Variants in RAB3IL1 observed in about 807,000 individuals in gnomAD.
RAB3IL1 encodes guanine nucleotide exchange factor for Rab-3A.
Under a neutral mutation model 49.2 loss-of-function variants are expected in RAB3IL1, and 37 were observed. The ratio of observed to expected loss-of-function variants is 0.75; its 90% CI spans 0.58 to 0.99. The LOEUF (loss-of-function observed/expected upper bound fraction) is 0.99. RAB3IL1 is among the 50% of genes least tolerant of loss of function. RAB3IL1 has a pLI of 0.00. For missense variants in RAB3IL1, 484 were observed against 513.0 expected (o/e 0.94, Z 0.55); for synonymous variants, 193 against 213.9 (o/e 0.90, Z 0.85).
chr11:61,913,793 C>T (rs758999118), intron 1 of RAB3IL1, among the ~76,000 whole-genome samples: 38 of 152,206 alleles, frequency 2.5e-4, no homozygotes, highest in Non-Finnish European at 4.9e-4. Context: ...CCAGGCAGCC[C>T]CCTTCTTACC....
chr11:61,937,164 A>G, the RAB3IL1 span, among the ~76,000 whole-genome samples: 2 of 152,244 alleles, frequency 1.3e-5, no homozygotes, highest in African/African-American at 2.4e-5. Flanking sequence ...ATGGGCATGT[A>G]AGGCATAAAA....
At chr11:61,942,679 C>A in the RAB3IL1 span, among the ~76,000 whole-genome samples, 1 of 151,986 alleles carries the variant, frequency 6.6e-6, no homozygotes, top group Non-Finnish European at 1.5e-5. Context: ...GATTAATATA[C>A]AAAAATCAGC....
At chr11:61,920,273 G>A, upstream of RAB3IL1, 3 of 1,234,204 alleles carry the variant, frequency 2.4e-6, no homozygotes, top group Admixed American at 4.2e-5. Context: ...CCACCAGGCT[G>A]AGCCTCACAC....
the RAB3IL1 span, among the ~76,000 whole-genome samples, chr11:61,929,453 G>A: frequency 2.9e-5 from 2 of 69,492 alleles, no homozygotes; most frequent in Non-Finnish European, 1.3e-4. Context: ...GCAGTGAGCT[G>A]CCGAGATCGC....
Position 61,900,402 on chromosome 11 carries a change from G to A in RAB3IL1, c.1000-1022C>T, listed in dbSNP as rs531890511. 9.2e-5 allele frequency among the ~76,000 whole-genome samples: 14 copies of A among 152,362 alleles called. No individual in the cohort carries two copies. In the East Asian group the frequency reaches 2.7e-3, roughly 29 times the overall value. On this transcript the variant is annotated intron_variant, in intron 8 of 9. Transcript: ENST00000394836. ...TGGGGAGGGACATCAAGTGAGAGGG[G>A]CACCCGCAGGCTGGGGAGTGGAGAA...
chr11:61,922,296 G>A (rs749636053), upstream of RAB3IL1, among the ~76,000 whole-genome samples: 7 of 152,118 alleles, frequency 4.6e-5, no homozygotes, highest in Non-Finnish European at 1.0e-4. Context: ...CGAGGCGAGT[G>A]GATCATCTCT....
chr11:61,926,920 G>A, the RAB3IL1 span, among the ~76,000 whole-genome samples: 1 of 149,696 alleles, frequency 6.7e-6, no homozygotes, highest in Non-Finnish European at 1.5e-5. Flanking sequence ...CCACAATCTT[G>A]GCTCACTGCA....
chr11:61,944,117 A>G, the RAB3IL1 span, among the ~76,000 whole-genome samples: 1 of 151,830 alleles, frequency 6.6e-6, no homozygotes, highest in African/African-American at 2.4e-5. Flanking sequence ...ACTTTTGTGC[A>G]TCAAGGAACC....
At chr11:61,907,809 CT>C in intron 2 of RAB3IL1, 149 bp from the exon 3 acceptor site, 3 of 918,478 alleles carry the variant, frequency 3.3e-6, no homozygotes, top group Non-Finnish European at 4.9e-6. Flanking sequence ...GTTTGTGATG[CT>C]TTTTCCGTTT....
At chr11:61,937,519 G>T in the RAB3IL1 span, among the ~76,000 whole-genome samples, 2 of 151,970 alleles carry the variant, frequency 1.3e-5, no homozygotes, top group Non-Finnish European at 2.9e-5. Flanking sequence ...TATTACCCAG[G>T]CTGGTCTCAA....
At chr11:61,927,032 C>T in the RAB3IL1 span, among the ~76,000 whole-genome samples, 1 of 151,882 alleles carries the variant, frequency 6.6e-6, no homozygotes, top group South Asian at 2.1e-4. Context: ...TTAGTAGAGA[C>T]GGGGTTTCAG....
upstream of RAB3IL1, chr11:61,920,405 C>A: frequency 1.9e-6 from 1 of 540,042 alleles, no homozygotes; most frequent in Non-Finnish European, 2.8e-6. Context: ...GCAGAAGACA[C>A]TGGGCCCTCC....
rs747531752 is a variant in RAB3IL1 at position 61,898,269 on chromosome 11, G to C, written c.*9C>G. On this transcript the variant is annotated 3_prime_UTR_variant, in exon 10 of 10. Transcript: ENST00000394836. The surrounding 1 kb of genome is among the most constrained non-coding windows in gnomAD (Gnocchi z 5.1). ...GTCTCAGAGCTCCCCTTCAGGCCTGGGCCGCGCCCTAAGCCTCCTGGGGGA... is the reference window on the plus strand; with the variant it reads ...GTCTCAGAGCTCCCCTTCAGGCCTGCGCCGCGCCCTAAGCCTCCTGGGGGA... 1.9e-5 allele frequency: 31 copies of C among 1,611,800 alleles called. No homozygotes were observed. Among genetic ancestry groups the C allele is most frequent in the Non-Finnish European group, 2.5e-5 (30 of 1,179,730 alleles).
the RAB3IL1 span, among the ~76,000 whole-genome samples, chr11:61,941,751 CA>C: frequency 5.3e-5 from 8 of 151,048 alleles, no homozygotes; most frequent in South Asian, 1.5e-3. Flanking sequence ...GACTCTGTCT[CA>C]AAAAAAAGAA....
upstream of RAB3IL1, among the ~76,000 whole-genome samples, chr11:61,918,179 G>A (rs1197115248): frequency 6.6e-6 from 1 of 150,458 alleles, no homozygotes; most frequent in Non-Finnish European, 1.5e-5. Flanking sequence ...ACACCTGTCT[G>A]GTCCCACATC....
At chr11:61,921,990 C>G (rs190854298), upstream of RAB3IL1, among the ~76,000 whole-genome samples, 21 of 150,064 alleles carry the variant, frequency 1.4e-4, no homozygotes, top group East Asian at 3.2e-3. Flanking sequence ...GGAGACCACC[C>G]TAGGCAACAA....
the RAB3IL1 span, among the ~76,000 whole-genome samples, chr11:61,943,396 C>T: frequency 2.6e-5 from 4 of 152,174 alleles, no homozygotes; most frequent in African/African-American, 7.2e-5. Flanking sequence ...TAGAAGAAAA[C>T]GTACGGGTAA....
At chr11:61,941,534 C>T in the RAB3IL1 span, among the ~76,000 whole-genome samples, 3 of 152,122 alleles carry the variant, frequency 2.0e-5, no homozygotes, top group Admixed American at 6.5e-5. Context: ...AGGTGTATCA[C>T]GAGGTCAGGA....
At position 61,906,551 on chromosome 11, in the gene RAB3IL1, C is replaced by T. The variant is rs1314919374; in HGVS notation, c.572G>A (p.Arg191His). Residue 191 changes from arginine to histidine, a missense_variant, in exon 5 of 10, where the codon CGC (arginine) becomes CAC (histidine). By Grantham distance (29) the Arg-to-His change is conservative. Coordinates refer to ENST00000394836, the MANE Select transcript of RAB3IL1 (RefSeq NM_013401.4). This position sits in a 1 kb window ranked among gnomAD's most constrained non-coding sequence, Gnocchi z 4.6. ...TKAGPRKGHSRHKSTSSTLCP... is the reference protein window; with the variant it reads ...TKAGPRKGHSHHKSTSSTLCP... ...GAGGGTGCTGCTGGTGCTCTTGTGGCGAGAGTGGCCCTTTCGGGGCCCGGC... is the reference window on the plus strand; with the variant it reads ...GAGGGTGCTGCTGGTGCTCTTGTGGTGAGAGTGGCCCTTTCGGGGCCCGGC... 27 of 1,580,742 alleles carry T rather than the reference C, an allele frequency of 1.7e-5. 2 individuals are homozygous for T. The highest frequency in any genetic ancestry group is 1.3e-4 in the South Asian group (11 of 87,004).
Sources: allele counts gnomAD v4.1 joint callset (sites outside exome capture counted in the v4.1 genomes callset), GRCh38; gene constraint gnomAD v4.1.1; non-coding constraint Gnocchi (gnomAD v3.1); transcripts MANE v1.5; gene names NCBI Gene and HGNC (gene_info 2026-07-23, HGNC 2026-07-21).